Variants in SIL1 observed in about 807,000 individuals in gnomAD.
SIL1 encodes SIL1 nucleotide exchange factor.
SIL1 carries 40 observed loss-of-function variants against 49.1 expected under a neutral mutation model. The ratio of observed to expected loss-of-function variants is 0.81; its 90% CI spans 0.63 to 1.06. SIL1 has a LOEUF of 1.06. Among genes scored for constraint, SIL1 ranks in the 50% least tolerant of loss-of-function variants. The pLI is 0.00. For synonymous variants in SIL1, 253 were observed against 250.8 expected (o/e 1.01, Z -0.08); for missense variants, 500 against 572.6 (o/e 0.87, Z 1.29).
chr5:138,949,445 G>A (rs949898861), intron 9 of SIL1, among the ~76,000 whole-genome samples: 3 of 152,166 alleles, frequency 2.0e-5, no homozygotes, highest in East Asian at 1.9e-4. Flanking sequence ...CCCCTCCATC[G>A]TGGTGGACAG....
intron 1 of SIL1, among the ~76,000 whole-genome samples, chr5:139,154,684 T>A (rs1751373793): frequency 6.6e-6 from 1 of 152,206 alleles, no homozygotes; most frequent in Non-Finnish European, 1.5e-5. Flanking sequence ...AGCCTCTTAT[T>A]CATCTAAGCC....
chr5:139,002,157 C>T (rs1369265603), intron 7 of SIL1, among the ~76,000 whole-genome samples: 1 of 151,532 alleles, frequency 6.6e-6, no homozygotes, highest in East Asian at 1.9e-4. Flanking sequence ...CTGCAGTGAA[C>T]CAAGATCATG....
chr5:139,028,562 A>T (rs931115529), intron 5 of SIL1, among the ~76,000 whole-genome samples: 4 of 152,180 alleles, frequency 2.6e-5, no homozygotes, highest in African/African-American at 9.7e-5. Flanking sequence ...ACTTTGAAAT[A>T]ATTATAAATT....
intron 8 of SIL1, 99 bp from the exon 9 acceptor site, chr5:138,951,434 T>C (rs940565759): frequency 7.2e-6 from 9 of 1,243,758 alleles, no homozygotes; most frequent in Admixed American, 6.3e-5. Flanking sequence ...TTAGTCCCCA[T>C]TCCTCCCGGC....
chr5:139,150,475 C>T (rs908266743), intron 1 of SIL1, among the ~76,000 whole-genome samples: 7 of 152,116 alleles, frequency 4.6e-5, no homozygotes, highest in Non-Finnish European at 1.0e-4. Context: ...CCCCTATGCT[C>T]CTGTTCTCAT....
chr5:139,144,531 A>G (rs1380054813), intron 1 of SIL1, among the ~76,000 whole-genome samples: 1 of 152,208 alleles, frequency 6.6e-6, no homozygotes, highest in Non-Finnish European at 1.5e-5. Flanking sequence ...TGATTTTTAC[A>G]AAAGTGTTAT....
At chr5:139,116,420 C>A (rs945520725) in intron 3 of SIL1, among the ~76,000 whole-genome samples, 3 of 152,162 alleles carry the variant, frequency 2.0e-5, no homozygotes, top group Non-Finnish European at 4.4e-5. Context: ...ACTCTCACAG[C>A]CGCCTGGAGT....
chr5:139,041,410 A>C (rs1487024130), intron 5 of SIL1, among the ~76,000 whole-genome samples: 1 of 152,234 alleles, frequency 6.6e-6, no homozygotes, highest in African/African-American at 2.4e-5. Context: ...GGATCAGAAC[A>C]ACCTATGGCT....
chr5:139,039,119 G>A (rs549206055), intron 5 of SIL1, among the ~76,000 whole-genome samples: 2 of 152,312 alleles, frequency 1.3e-5, no homozygotes, highest in Admixed American at 1.3e-4. Context: ...GGCAGAGGAT[G>A]AAAAGTCAAG....
chr5:138,976,608 C>A (rs1397793796), intron 7 of SIL1, among the ~76,000 whole-genome samples: 2 of 152,138 alleles, frequency 1.3e-5, no homozygotes, highest in Admixed American at 6.6e-5. Context: ...AGCCACCACG[C>A]AGGCCATTAC....
At chr5:139,070,473 T>G (rs1206957279) in intron 3 of SIL1, among the ~76,000 whole-genome samples, 1 of 152,164 alleles carries the variant, frequency 6.6e-6, no homozygotes, top group Non-Finnish European at 1.5e-5. Context: ...ACAGCAGTAA[T>G]GAGCGACCTA....
chr5:139,069,208 A>T (rs888510046), intron 3 of SIL1, among the ~76,000 whole-genome samples: 1 of 152,150 alleles, frequency 6.6e-6, no homozygotes, highest in Non-Finnish European at 1.5e-5. Flanking sequence ...GGATCACTTG[A>T]GCCCAGGAGC....
chr5:139,152,403 C>T (rs1376555814), intron 1 of SIL1, among the ~76,000 whole-genome samples: 1 of 151,988 alleles, frequency 6.6e-6, no homozygotes, highest in Non-Finnish European at 1.5e-5. Context: ...GGTGGACTGC[C>T]TGAGGTCAGG....
Position 139,154,363 on chromosome 5 carries a change from C to T in SIL1, c.-10-26510G>A, listed in dbSNP as rs534554096. Among the ~76,000 whole-genome samples, 3 of 152,360 alleles carry T rather than the reference C, an allele frequency of 2.0e-5. No individual in the cohort carries two copies. In the South Asian group the frequency reaches 6.2e-4, roughly 32 times the overall value. ...TTCTGTTACATTTCCAGGGACATTA[C>T]AGTGCCCTTTACTCACTAATGCCCA... On this transcript the variant is annotated intron_variant, in intron 1 of 9. Coordinates refer to ENST00000394817, the MANE Select transcript of SIL1 (RefSeq NM_022464.5).
chr5:139,014,973 C>CCAG (rs1321739439), intron 7 of SIL1, among the ~76,000 whole-genome samples: 9 of 152,290 alleles, frequency 5.9e-5, no homozygotes, highest in Non-Finnish European at 1.2e-4. Flanking sequence ...GCCAGTGGGG[C>CCAG]TATACACTCA....
chr5:139,170,807 C>A lies in SIL1; in HGVS notation c.-11+27462G>T, dbSNP rs969845290. Among the ~76,000 whole-genome samples the A allele has an allele frequency of 2.0e-5, 3 of 151,558 alleles. No homozygotes were observed. The East Asian group carries it at 5.9e-4, about 30-fold the overall frequency. ...TCAGCCCTGGCCAGGCCAGCCGCCC[C>A]GTCCGGGAGGGAGGTGGGGGGGTCA... On this transcript the variant is annotated intron_variant, in intron 1 of 9. Coordinates refer to ENST00000394817, the MANE Select transcript of SIL1 (RefSeq NM_022464.5).
At chr5:138,957,878 T>A (rs1766935179) in intron 7 of SIL1, among the ~76,000 whole-genome samples, 1 of 151,502 alleles carries the variant, frequency 6.6e-6, no homozygotes, top group Admixed American at 6.6e-5. Flanking sequence ...GCTGTCCCAA[T>A]AATAGTCCTT....
In SIL1 at chr5:139,046,931, T is replaced by G. The variant is rs149529803; in HGVS notation, c.353+4007A>C. The stretch of plus-strand genomic sequence containing the variant: ...CAGTAATGACCAGATAATATCTTAC[T>G]TCTGTGCTTATGTACCTGGTTTTCT... On this transcript the variant is annotated intron_variant, in intron 4 of 9. Transcript: ENST00000394817. Among the ~76,000 whole-genome samples, 5 of 152,358 alleles carry G rather than the reference T, an allele frequency of 3.3e-5. No individual in the cohort carries two copies. In the East Asian group the frequency reaches 9.6e-4, roughly 29 times the overall value.
rs1262850838 is a variant in SIL1, at chr5:138,984,334, T to TG, written c.768-32451_768-32450insC. ...ACCAACCCTCCCTCTCTTACGGTGT[T>TG]TTTTTTTTTGTTTGCTTTTGTTTTT... On this transcript the variant is annotated intron_variant, in intron 7 of 9. Coordinates refer to ENST00000394817, the MANE Select transcript of SIL1 (RefSeq NM_022464.5). 2.0e-5 allele frequency among the ~76,000 whole-genome samples: 3 copies of TG among 150,122 alleles called. No homozygotes were observed. In the East Asian group the frequency reaches 5.8e-4, roughly 29 times the overall value.
Sources: allele counts gnomAD v4.1 joint callset (sites outside exome capture counted in the v4.1 genomes callset), GRCh38; gene constraint gnomAD v4.1.1; transcripts MANE v1.5; gene names NCBI Gene and HGNC (gene_info 2026-07-23, HGNC 2026-07-21).